CERT1: variants seen among roughly 807,000 people sequenced by gnomAD.
The protein encoded by CERT1 is ceramide transfer protein.
In CERT1, 31 loss-of-function variants were observed where a neutral mutation model predicts 87.9. The ratio of observed to expected loss-of-function variants is 0.35; its 90% CI spans 0.27 to 0.48. The LOEUF is 0.48. CERT1 is among the 20% of genes least tolerant of loss of function. The pLI is 0.99. For synonymous variants in CERT1, 289 were observed against 250.9 expected (o/e 1.15, Z -1.44); for missense variants, 487 against 758.0 (o/e 0.64, Z 4.20).
At chr5:75,464,651 C>G (rs1765385621) in intron 2 of CERT1, among the ~76,000 whole-genome samples, 2 of 152,180 alleles carry the variant, frequency 1.3e-5, no homozygotes, top group Non-Finnish European at 2.9e-5. Context: ...TCTTGGCTCA[C>G]TGCAACCTCT....
chr5:75,477,185 G>A (rs1765992184), intron 2 of CERT1, among the ~76,000 whole-genome samples: 6 of 152,016 alleles, frequency 3.9e-5, no homozygotes, highest in Admixed American at 3.9e-4. Flanking sequence ...TTGGAGAGTT[G>A]GTTCTTCTGA....
At position 75,447,348 on chromosome 5, in the gene CERT1, G is replaced by A. The variant is rs561888647; in HGVS notation, c.348+11717C>T. 2.0e-5 allele frequency among the ~76,000 whole-genome samples: 3 copies of A among 151,908 alleles called. No homozygotes were observed. The South Asian group carries it at 6.3e-4, about 32-fold the overall frequency. On this transcript the variant is annotated intron_variant, in intron 3 of 16. Transcript: ENST00000643780. ...CCCAAATCCTATCTCCATCCATAAT[G>A]TTTTTGAAGGAAAAGGTACACAGAA... is the stretch of plus-strand genomic sequence containing the variant.
At chr5:75,412,868 A>C (rs1418332567) in intron 7 of CERT1, among the ~76,000 whole-genome samples, 1 of 152,204 alleles carries the variant, frequency 6.6e-6, no homozygotes, top group African/African-American at 2.4e-5. Flanking sequence ...GTAAACTTTT[A>C]ACACTGCATA....
At chr5:75,476,268 G>C (rs1765948921) in intron 2 of CERT1, among the ~76,000 whole-genome samples, 1 of 151,866 alleles carries the variant, frequency 6.6e-6, no homozygotes, top group African/African-American at 2.4e-5. Flanking sequence ...GTAACACTGG[G>C]CTTCAGATAA....
At chr5:75,383,957 A>T (rs1185823590) in intron 14 of CERT1, among the ~76,000 whole-genome samples, 1 of 152,174 alleles carries the variant, frequency 6.6e-6, no homozygotes, top group African/African-American at 2.4e-5. Flanking sequence ...GGTGAAAGGG[A>T]GCTAACTTAA....
At chr5:75,417,587 T>G (rs79286120) in intron 6 of CERT1, among the ~76,000 whole-genome samples, 12,635 of 152,202 alleles carry the variant, frequency 0.083, 622 homozygotes, top group South Asian at 0.17. Context: ...AAACAAGAAA[T>G]CATAATATTC....
intron 8 of CERT1, 130 bp downstream of exon 8, chr5:75,410,881 A>G (rs138966975): frequency 4.2e-6 from 2 of 481,710 alleles, no homozygotes; most frequent in South Asian, 3.9e-5. Context: ...TATACACTGA[A>G]TTAACATAAA....
intron 2 of CERT1, among the ~76,000 whole-genome samples, chr5:75,488,760 T>C (rs895110783): frequency 1.3e-5 from 2 of 152,188 alleles, no homozygotes; most frequent in Non-Finnish European, 2.9e-5. Context: ...AAGAATTTTA[T>C]ATTTGATCTA....
chr5:75,495,426 C>T (rs780530968), intron 2 of CERT1, among the ~76,000 whole-genome samples: 47 of 152,044 alleles, frequency 3.1e-4, no homozygotes, highest in Middle Eastern at 3.2e-3. Context: ...GGCATGGTGG[C>T]GCATGCCTGT....
At chr5:75,388,713 C>A (rs1459972916) in intron 12 of CERT1, among the ~76,000 whole-genome samples, 3 of 149,380 alleles carry the variant, frequency 2.0e-5, no homozygotes, top group African/African-American at 7.4e-5. Context: ...GCAGCCTTGA[C>A]CTCCCTGGCT....
chr5:75,419,509 C>CAGT, intron 5 of CERT1, 85 bp from the exon 6 acceptor site: 1 of 895,454 alleles, frequency 1.1e-6, no homozygotes, highest in Non-Finnish European at 1.8e-6. Context: ...TCATTTTACT[C>CAGT]TGGATTCTGA....
At chr5:75,430,552 G>C (rs915834429) in intron 3 of CERT1, among the ~76,000 whole-genome samples, 4 of 152,190 alleles carry the variant, frequency 2.6e-5, no homozygotes, top group African/African-American at 9.7e-5. Context: ...CAAAGAGGTA[G>C]AAGAAAATGT....
chr5:75,416,886 C>G lies in CERT1; in HGVS notation c.827G>C (p.Arg276Thr). The G allele has an allele frequency of 6.2e-7, 1 of 1,606,232 alleles. No individual in the cohort carries two copies. Among genetic ancestry groups the G allele is most frequent in the Admixed American group, 1.7e-5 (1 of 58,070 alleles). ...AAAACCTAGTCTTACCTTATCCAGTCTCTTCTGCCAGCTGTCCTCACGTTT... is the reference window on the plus strand; with the variant it reads ...AAAACCTAGTCTTACCTTATCCAGTGTCTTCTGCCAGCTGTCCTCACGTTT... Reference protein sequence around the residue: ...MVKREDSWQKRLDKETEKKRR... With the variant: ...MVKREDSWQKTLDKETEKKRR... The change falls in exon 7 of 17, where the codon AGA becomes ACA. Residue 276 changes from arginine (R) to threonine (T), a missense_variant. By Grantham distance (71) the Arg-to-Thr change is moderately conservative. Transcript: ENST00000643780.
chr5:75,374,457 T>G, downstream of CERT1: 1 of 716,090 alleles, frequency 1.4e-6, no homozygotes, highest in South Asian at 1.4e-5. Flanking sequence ...AGTCCAGGCC[T>G]CCAAGATGAC....
At chr5:75,490,643 C>T (rs553671227) in intron 2 of CERT1, among the ~76,000 whole-genome samples, 8 of 152,072 alleles carry the variant, frequency 5.3e-5, no homozygotes, top group South Asian at 2.1e-4. Flanking sequence ...GGACTACAGG[C>T]GCCCACCACC....
chr5:75,435,397 CATCCAGAT>C (rs1764050574), intron 3 of CERT1, among the ~76,000 whole-genome samples: 1 of 152,206 alleles, frequency 6.6e-6, no homozygotes, highest in Non-Finnish European at 1.5e-5. Context: ...GCTGCCTTGC[CATCCAGAT>C]TCTGAATTCT....
intron 2 of CERT1, among the ~76,000 whole-genome samples, chr5:75,481,460 GCCAGAGAAACCTTC>G (rs1197332915): frequency 6.6e-6 from 1 of 152,068 alleles, no homozygotes; most frequent in African/African-American, 2.4e-5. Context: ...GTAATATTTA[GCCAGAGAAACCTTC>G]CCAGCCCACC....
At chr5:75,430,431 C>T (rs531145351) in intron 3 of CERT1, among the ~76,000 whole-genome samples, 1 of 152,126 alleles carries the variant, frequency 6.6e-6, no homozygotes, top group African/African-American at 2.4e-5. Context: ...TAATCAAAAG[C>T]ATGTACTTCA....
chr5:75,504,399 A>G (rs1052977900), intron 2 of CERT1, among the ~76,000 whole-genome samples: 1 of 152,158 alleles, frequency 6.6e-6, no homozygotes, highest in Non-Finnish European at 1.5e-5. Context: ...ACACTTCCAA[A>G]TATTTCTTCT....
Sources: allele counts gnomAD v4.1 joint callset (sites outside exome capture counted in the v4.1 genomes callset), GRCh38; gene constraint gnomAD v4.1.1; transcripts MANE v1.5; gene names NCBI Gene and HGNC (gene_info 2026-07-23, HGNC 2026-07-21).